ABLIM2: variants seen among roughly 807,000 people sequenced by gnomAD.
The protein encoded by ABLIM2 is actin-binding LIM protein 2.
ABLIM2 carries 53 observed loss-of-function variants against 97.7 expected under a neutral mutation model. The observed-to-expected ratio is 0.54, with a 90% confidence interval of 0.44 to 0.68. The LOEUF is 0.68. Among genes scored for constraint, ABLIM2 ranks in the 30% least tolerant of loss-of-function variants. ABLIM2 has a pLI of 0.00. For missense variants in ABLIM2, 835 were observed against 867.2 expected (o/e 0.96, Z 0.47); for synonymous variants, 361 against 345.8 (o/e 1.04, Z -0.49).
intron 6 of ABLIM2, among the ~76,000 whole-genome samples, chr4:8,070,840 G>A (rs999879405): frequency 3.5e-4 from 53 of 152,148 alleles, no homozygotes; most frequent in Non-Finnish European, 6.5e-4. Context: ...GAATTGATTC[G>A]CAGAACCAGG....
At chr4:8,152,470 A>G (rs1422514660) in intron 1 of ABLIM2, among the ~76,000 whole-genome samples, 2 of 152,210 alleles carry the variant, frequency 1.3e-5, no homozygotes, top group Non-Finnish European at 2.9e-5. Flanking sequence ...CCAGGGCGGC[A>G]CTTGATGAGC....
rs943407342 is a variant in ABLIM2 at position 8,112,483 on chromosome 4, C to T, written c.11-5846G>A. Among the ~76,000 whole-genome samples the T allele has an allele frequency of 4.6e-5, 7 of 152,198 alleles. No homozygotes were observed. Among genetic ancestry groups the T allele is most frequent in the Non-Finnish European group, 8.8e-5 (6 of 68,036 alleles). ...CGTGAACAGTAGCTGTTAGCTGAAT[C>T]CTCTCCAAGGCTCAGAGACCAGACT... is the stretch of plus-strand genomic sequence containing the variant. On this transcript the variant is annotated intron_variant, in intron 1 of 20. Transcript: ENST00000447017. The surrounding 1 kb of genome is among the most constrained non-coding windows in gnomAD (Gnocchi z 4.2).
chr4:8,020,945 C>T (rs34601136), intron 12 of ABLIM2: 30,982 of 150,948 alleles, frequency 0.21, 3,883 homozygotes, highest in Non-Finnish European at 0.29. Flanking sequence ...CAGACTCCAC[C>T]TTCTGGGCTC....
In ABLIM2 at chr4:8,032,005, G is replaced by C. The variant is rs10011764; in HGVS notation, c.1048-2229C>G. Among the ~76,000 whole-genome samples the C allele has an allele frequency of 0.12, 18,919 of 151,984 alleles. 1,671 individuals carry two copies. The highest frequency in any genetic ancestry group is 0.25 in the African/African-American group (10,292 of 41,374). On this transcript the variant is annotated intron_variant, in intron 10 of 20. Transcript: ENST00000447017. The surrounding 1 kb of genome is among the most constrained non-coding windows in gnomAD (Gnocchi z 4.3). ...GCCTCCCAAAGTGCTGGGATTACAG[G>C]TGTGAGCCACCACGCCCAGCCTATG...
intron 8 of ABLIM2, among the ~76,000 whole-genome samples, chr4:8,047,352 C>A (rs1326159417): frequency 2.3e-5 from 3 of 129,744 alleles, no homozygotes; most frequent in African/African-American, 5.3e-5. Flanking sequence ...CCGCTGCCAC[C>A]GCCTCTTCCT....
intron 3 of ABLIM2, among the ~76,000 whole-genome samples, chr4:8,091,476 TATA>T (rs372080154): frequency 0.44 from 22,679 of 51,470 alleles, 6,926 homozygotes; most frequent in Non-Finnish European, 0.54. Context: ...ATATATAATA[TATA>T]ATATTTTATA....
Position 8,080,198 on chromosome 4 carries a change from CAG to C in ABLIM2, c.581+476_581+477del, listed in dbSNP as rs145927309. Among the ~76,000 whole-genome samples the C allele has an allele frequency of 4.8e-3, 736 of 152,322 alleles. 6 individuals are homozygous for C. Among genetic ancestry groups the C allele is most frequent in the African/African-American group, 0.017 (687 of 41,578 alleles). ...CCAGGGGCCCCCGCTCTGCAGAAGA[CAG>C]AGTGCGTGGCTGTGGGGCCCCAGCC... On this transcript the variant is annotated intron_variant, in intron 5 of 20. Transcript: ENST00000447017.
rs1370834428 is a variant in ABLIM2, at chr4:8,019,819, C to T, written c.1370-148G>A. 2.6e-6 allele frequency: 2 copies of T among 774,916 alleles called. No homozygotes were observed. Among genetic ancestry groups the T allele is most frequent in the African/African-American group, 1.8e-5 (1 of 56,548 alleles). 48.0% of individuals were successfully genotyped at this position (774,916 alleles called of 1,614,324 possible). ...GAACTGGCACCCAGCGAGCGACAGACACCCAGGCCCCAGATCAAGCCTCCC... is the reference window on the plus strand; with the variant it reads ...GAACTGGCACCCAGCGAGCGACAGATACCCAGGCCCCAGATCAAGCCTCCC... On this transcript the variant is annotated intron_variant, in intron 13 of 20. Transcript: ENST00000447017. The surrounding 1 kb of genome is among the most constrained non-coding windows in gnomAD (Gnocchi z 4.3).
intron 3 of ABLIM2, among the ~76,000 whole-genome samples, chr4:8,093,242 C>T (rs755860794): frequency 1.2e-4 from 18 of 152,274 alleles, no homozygotes; most frequent in Admixed American, 7.8e-4. Flanking sequence ...TGTAGAGCAG[C>T]GCTTCATCAG....
chr4:8,014,924 C>CTTT (rs72140876), intron 14 of ABLIM2, among the ~76,000 whole-genome samples: 2 of 141,268 alleles, frequency 1.4e-5, no homozygotes, highest in African/African-American at 5.3e-5. Flanking sequence ...TCCTTTCTTT[C>CTTT]TTTTTTTTTT....
rs1398038565 is a variant in ABLIM2, at chr4:8,095,086, CTT to C, written c.338+2011_338+2012del. 4.8e-5 allele frequency among the ~76,000 whole-genome samples: 4 copies of C among 83,666 alleles called. No homozygotes were observed. The highest frequency in any genetic ancestry group is 1.3e-4 in the Admixed American group (1 of 7,624). 54.9% of individuals were successfully genotyped at this position (83,666 alleles called of 152,430 possible). A position where few individuals can be genotyped will look rare whatever the true frequency, so the allele number is the denominator to read the frequency against. Reference sequence around the variant, plus strand: ...TCTTTCTTTCTTTCTCTCTCTCTCTCTTTCTTTCTTTCTCTTTCCTTTTCTTT... The same window carrying C: ...TCTTTCTTTCTTTCTCTCTCTCTCTCTCTTTCTTTCTCTTTCCTTTTCTTT... On this transcript the variant is annotated intron_variant, in intron 3 of 20. Transcript: ENST00000447017. This position sits in a 1 kb window ranked among gnomAD's most constrained non-coding sequence, Gnocchi z 4.7.
intron 4 of ABLIM2, among the ~76,000 whole-genome samples, chr4:8,084,837 T>G (rs1331519011): frequency 6.6e-6 from 1 of 152,154 alleles, no homozygotes; most frequent in Admixed American, 6.5e-5. Context: ...CCTCTTGCCC[T>G]CGGCACACAG....
chr4:8,041,682 C>T (rs1346278687), intron 9 of ABLIM2, among the ~76,000 whole-genome samples: 2 of 151,778 alleles, frequency 1.3e-5, no homozygotes, highest in Non-Finnish European at 2.9e-5. Context: ...GTGGGTGGAT[C>T]ACCAGGTTAG....
intron 1 of ABLIM2, among the ~76,000 whole-genome samples, chr4:8,115,018 T>C (rs972992053): frequency 6.6e-6 from 1 of 152,196 alleles, no homozygotes; most frequent in Non-Finnish European, 1.5e-5. Context: ...GTCTGGCTTC[T>C]CCCATCTGAG....
rs1348972111 is a variant in ABLIM2 at position 7,999,076 on chromosome 4, A to G, written c.1619-6149T>C. 1.3e-5 allele frequency among the ~76,000 whole-genome samples: 2 copies of G among 151,948 alleles called. No individual in the cohort carries two copies. The highest frequency in any genetic ancestry group is 2.9e-5 in the Non-Finnish European group (2 of 67,976). On this transcript the variant is annotated intron_variant, in intron 16 of 20. Transcript: ENST00000447017. The surrounding 1 kb of genome is among the most constrained non-coding windows in gnomAD (Gnocchi z 4.4). ...TGAGAATCACTGGTTTATTTATTTT[A>G]TTTTTTGAGACGGAGTTTTGTTCTT...
chr4:8,060,484 C>G (rs1017551124), intron 7 of ABLIM2, among the ~76,000 whole-genome samples: 2 of 152,164 alleles, frequency 1.3e-5, no homozygotes, highest in South Asian at 4.2e-4. Flanking sequence ...TGGAAGAAAG[C>G]CTCGGCTGCT....
chr4:8,054,333 TC>T lies in ABLIM2; in HGVS notation c.764-88del, dbSNP rs1343187441. The stretch of plus-strand genomic sequence containing the variant: ...GTGGAAACGCAGAGGAGGGAGCTGG[TC>T]CATGCACAGACGTGCACTCGGACTC... On this transcript the variant is annotated intron_variant, in intron 7 of 20. Coordinates refer to ENST00000447017, the MANE Select transcript of ABLIM2 (RefSeq NM_001130083.2). This position sits in a 1 kb window ranked among gnomAD's most constrained non-coding sequence, Gnocchi z 4.9. 28 of 1,421,724 alleles carry T rather than the reference TC, an allele frequency of 2.0e-5. No individual in the cohort carries two copies. Among genetic ancestry groups the T allele is most frequent in the Non-Finnish European group, 2.7e-5 (27 of 1,015,524 alleles). The allele number at this position is 1,421,724 out of a possible 1,614,324, so 88.1% of individuals were successfully genotyped here.
chr4:8,105,931 C>T (rs1837194147), intron 2 of ABLIM2, among the ~76,000 whole-genome samples: 1 of 150,814 alleles, frequency 6.6e-6, no homozygotes, highest in Non-Finnish European at 1.5e-5. Flanking sequence ...GGTGGGGCCT[C>T]ACGTGATTTT....
At chr4:7,983,382 C>A in intron 19 of ABLIM2, 38 bp from the exon 20 acceptor site, 1 of 1,598,882 alleles carries the variant, frequency 6.3e-7, no homozygotes, top group South Asian at 1.1e-5. Flanking sequence ...CCTCACGAAG[C>A]AAGTGTATGC....
Sources: allele counts gnomAD v4.1 joint callset (sites outside exome capture counted in the v4.1 genomes callset), GRCh38; gene constraint gnomAD v4.1.1; non-coding constraint Gnocchi (gnomAD v3.1); transcripts MANE v1.5; gene names NCBI Gene and HGNC (gene_info 2026-07-23, HGNC 2026-07-21).